The following GATA6 variants were observed in gnomAD, a reference collection of about 807,000 sequenced individuals.
GATA6 encodes GATA binding protein 6.
GATA6 carries 11 observed loss-of-function variants against 48.1 expected under a neutral mutation model. The ratio of observed to expected loss-of-function variants is 0.23; its 90% CI spans 0.14 to 0.38. GATA6 has a LOEUF of 0.38. Ranked by LOEUF, GATA6 falls within the 10% of genes least tolerant of loss-of-function variation. The pLI, the probability that GATA6 is intolerant of heterozygous loss-of-function variation, is 1.00. For synonymous variants in GATA6, 419 were observed against 396.1 expected (o/e 1.06, Z -0.69); for missense variants, 795 against 850.3 (o/e 0.93, Z 0.81).
At position 22,171,245 on chromosome 18, in the gene GATA6, C is replaced by T; in HGVS notation, c.101C>T (p.Thr34Met). 6.3e-7 allele frequency: 1 copy of T among 1,598,862 alleles called. No individual in the cohort carries two copies. Among genetic ancestry groups the T allele is most frequent in the Non-Finnish European group, 8.5e-7 (1 of 1,179,126 alleles). ...SRAFPAREPS[T>M]PPSPISSSSS... ...GCCTTTCCAGCGCGGGAGCCCTCCA[C>T]GCCGCCTTCCCCCATCTCTTCCTCG... The change falls in exon 2 of 7, where the codon ACG becomes ATG. Residue 34 changes from threonine (T) to methionine (M), a missense_variant. Physicochemically the swap from Thr to Met is moderately conservative, Grantham distance 81. This residue lies in a region of GATA6 where 591 missense variants were observed against 570.0 expected (regional missense o/e 1.04). Coordinates refer to ENST00000269216, the MANE Select transcript of GATA6 (RefSeq NM_005257.6). This position sits in a 1 kb window ranked among gnomAD's most constrained non-coding sequence, Gnocchi z 7.1.
Position 22,171,141 on chromosome 18 carries a change from G to A in GATA6, c.-4G>A, listed in dbSNP as rs1555628685. 1.3e-6 allele frequency: 2 copies of A among 1,599,882 alleles called. No individual in the cohort carries two copies. Among genetic ancestry groups the A allele is most frequent in the Non-Finnish European group, 1.7e-6 (2 of 1,179,504 alleles). On this transcript the variant is annotated 5_prime_UTR_variant, in exon 2 of 7. It adds an upstream start codon to the 5' untranslated region. Coordinates refer to ENST00000269216, the MANE Select transcript of GATA6 (RefSeq NM_005257.6). This position sits in a 1 kb window ranked among gnomAD's most constrained non-coding sequence, Gnocchi z 7.1. The stretch of plus-strand genomic sequence containing the variant: ...CGTCAGCTTGGAGCGGCGCCGGACC[G>A]TGGATGGCCTTGACTGACGGCGGCT...
At chr18:22,186,825 A>G (rs1352566970) in intron 6 of GATA6, among the ~76,000 whole-genome samples, 2 of 152,194 alleles carry the variant, frequency 1.3e-5, no homozygotes, top group Non-Finnish European at 2.9e-5. Context: ...CTGTGCCTTC[A>G]TGAGACCTGT....
chr18:22,187,893 A>G (rs374825338), intron 6 of GATA6, among the ~76,000 whole-genome samples: 2 of 152,188 alleles, frequency 1.3e-5, no homozygotes, highest in African/African-American at 4.8e-5. Context: ...GAGAACAAGG[A>G]GTCACTGAAC....
At chr18:22,182,493 G>A (rs1307953316) in intron 4 of GATA6, among the ~76,000 whole-genome samples, 1 of 152,072 alleles carries the variant, frequency 6.6e-6, no homozygotes, top group East Asian at 1.9e-4. Context: ...AAGTAGCTGG[G>A]ATTACAGGCA....
chr18:22,200,207 G>GCA (rs1568011223), intron 6 of GATA6, among the ~76,000 whole-genome samples: 10 of 151,972 alleles, frequency 6.6e-5, no homozygotes, highest in African/African-American at 1.2e-4. Context: ...GTGTGCGCGC[G>GCA]CACGCATGCG....
At chr18:22,192,715 A>G (rs2033342469) in intron 6 of GATA6, among the ~76,000 whole-genome samples, 1 of 152,222 alleles carries the variant, frequency 6.6e-6, no homozygotes. Context: ...TAATTTGAAG[A>G]TTAGAATAGT....
In GATA6 at chr18:22,181,488, C is replaced by T. The variant is rs934497510; in HGVS notation, c.1338C>T (p.Asn446=). ...SSRRLGLSCA[N]CHTTTTTLWR... is the part of the protein sequence containing the mutation. ...GGCGGCTTGGATTGTCCTGTGCCAA[C>T]TGTCACACCACAACTACCACCTTAT... The change falls in exon 4 of 7, where the codon AAC becomes AAT. Residue 446 remains asparagine, a synonymous_variant. Coordinates refer to ENST00000269216, the MANE Select transcript of GATA6 (RefSeq NM_005257.6). 17 of 1,614,152 alleles carry T rather than the reference C, an allele frequency of 1.1e-5. No homozygotes were observed. Among genetic ancestry groups the T allele is most frequent in the African/African-American group, 4.0e-5 (3 of 75,048 alleles).
Position 22,171,125 on chromosome 18 carries a change from G to C in GATA6, c.-20G>C. The C allele has an allele frequency of 1.3e-6, 2 of 1,597,816 alleles. No individual in the cohort carries two copies. Among genetic ancestry groups the C allele is most frequent in the Non-Finnish European group, 1.7e-6 (2 of 1,178,334 alleles). On this transcript the variant is annotated 5_prime_UTR_variant, in exon 2 of 7. Coordinates refer to ENST00000269216, the MANE Select transcript of GATA6 (RefSeq NM_005257.6). The surrounding 1 kb of genome is among the most constrained non-coding windows in gnomAD (Gnocchi z 7.1). ...CACCTCAGGAGCTAGACGTCAGCTT[G>C]GAGCGGCGCCGGACCGTGGATGGCC...
chr18:22,175,469 T>C (rs2033109759), intron 2 of GATA6: 1 of 152,194 alleles, frequency 6.6e-6, no homozygotes, highest in African/African-American at 2.4e-5. Context: ...GACAAATACC[T>C]TGTTTAACTT....
Position 22,170,078 on chromosome 18 carries a change from C to T in GATA6, c.-38+396C>T, listed in dbSNP as rs1483797911. ...AAGAGCAGCCTGGAGGAGGCCAGCC[C>T]GGCTGCATTTCACCTCCCTCCCCCA... On this transcript the variant is annotated intron_variant, in intron 1 of 6. Transcript: ENST00000269216. The surrounding 1 kb of genome is among the most constrained non-coding windows in gnomAD (Gnocchi z 6.7). Among the ~76,000 whole-genome samples the T allele has an allele frequency of 2.0e-5, 3 of 152,218 alleles. No homozygotes were observed. Among genetic ancestry groups the T allele is most frequent in the Non-Finnish European group, 2.9e-5 (2 of 68,036 alleles).
At position 22,172,539 on chromosome 18, in the gene GATA6, C is replaced by T. The variant is rs1218504134; in HGVS notation, c.1135+260C>T. ...GATGAGACTAAATGCACATCTGTAC[C>T]TTCGTGCCTTGGGGAAGCTCAGGGC... On this transcript the variant is annotated intron_variant, in intron 2 of 6. Transcript: ENST00000269216. The surrounding 1 kb of genome is among the most constrained non-coding windows in gnomAD (Gnocchi z 5.2). 3.9e-5 allele frequency among the ~76,000 whole-genome samples: 6 copies of T among 152,190 alleles called. No homozygotes were observed. Among genetic ancestry groups the T allele is most frequent in the Non-Finnish European group, 2.9e-5 (2 of 68,034 alleles).
intron 6 of GATA6, among the ~76,000 whole-genome samples, chr18:22,195,203 CGT>C (rs1179275316): frequency 6.6e-6 from 1 of 152,120 alleles, no homozygotes; most frequent in African/African-American, 2.4e-5. Flanking sequence ...ATGGAGCTGA[CGT>C]GTTGATTGTT....
intron 6 of GATA6, among the ~76,000 whole-genome samples, chr18:22,190,891 A>T (rs2033317827): frequency 6.6e-6 from 1 of 152,076 alleles, no homozygotes; most frequent in Non-Finnish European, 1.5e-5. Flanking sequence ...CTAATAACTC[A>T]CGTTCTTGTC....
intron 4 of GATA6, among the ~76,000 whole-genome samples, chr18:22,182,032 AATAGTT>A (rs1351149524): frequency 5.9e-5 from 9 of 152,374 alleles, no homozygotes; most frequent in Non-Finnish European, 1.3e-4. Context: ...TAATGCATTT[AATAGTT>A]ATAGTTTGAA....
chr18:22,177,165 G>A (rs1310410484), intron 3 of GATA6, 44 bp downstream of exon 3: 1 of 1,524,204 alleles, frequency 6.6e-7, no homozygotes, highest in Non-Finnish European at 8.8e-7. Flanking sequence ...CCGGCCCCGG[G>A]CTCTCCTGGC....
At chr18:22,193,794 C>G (rs113069217) in intron 6 of GATA6, among the ~76,000 whole-genome samples, 2 of 152,274 alleles carry the variant, frequency 1.3e-5, no homozygotes, top group Non-Finnish European at 2.9e-5. Flanking sequence ...CCGTACACTC[C>G]TCTCTGGTTT....
At chr18:22,196,902 G>T (rs1391047183) in intron 6 of GATA6, among the ~76,000 whole-genome samples, 2 of 152,090 alleles carry the variant, frequency 1.3e-5, no homozygotes, top group Non-Finnish European at 2.9e-5. Flanking sequence ...GACTGCTTCT[G>T]CCCCTGCCTG....
At chr18:22,196,835 G>A (rs2033396623) in intron 6 of GATA6, among the ~76,000 whole-genome samples, 1 of 152,158 alleles carries the variant, frequency 6.6e-6, no homozygotes. Context: ...AACTGTCAGT[G>A]ACAGTTTGAA....
At chr18:22,192,378 A>T (rs1402898023) in intron 6 of GATA6, among the ~76,000 whole-genome samples, 2 of 151,950 alleles carry the variant, frequency 1.3e-5, no homozygotes, top group Non-Finnish European at 2.9e-5. Context: ...TTTGCGTGGC[A>T]TTTTTTTTCA....
Sources: gnomAD v4.1 joint callset for allele counts (sites outside exome capture counted in the v4.1 genomes callset) on GRCh38, gnomAD v4.1.1 for gene constraint, gnomAD v4.1.1 regional missense constraint, Gnocchi (gnomAD v3.1) non-coding constraint, MANE v1.5 for transcripts, NCBI Gene and HGNC (gene_info 2026-07-23, HGNC 2026-07-21) for gene names.